PKD1L1: variants seen among roughly 807,000 people sequenced by gnomAD.
The protein encoded by PKD1L1 is polycystin 1 like 1, transient receptor potential channel interacting, also known as polycystin-1-like protein 1.
PKD1L1 carries 236 observed loss-of-function variants against 323.4 expected under a neutral mutation model. The ratio of observed to expected loss-of-function variants is 0.73; its 90% confidence interval spans 0.66 to 0.81. PKD1L1 has a LOEUF of 0.81. PKD1L1 is among the 40% of genes least tolerant of loss of function. The pLI, the probability that PKD1L1 is intolerant of heterozygous loss-of-function variation, is 0.00. For synonymous variants in PKD1L1, 1,344 were observed against 1,335.0 expected (o/e 1.01, Z -0.15); for missense variants, 3,320 against 3,508.0 (o/e 0.95, Z 1.35).
intron 4 of PKD1L1, among the ~76,000 whole-genome samples, chr7:47,932,360 TC>T: frequency 6.6e-6 from 1 of 152,140 alleles, no homozygotes; most frequent in East Asian, 1.9e-4. Context: ...AAGGGGCGAG[TC>T]ACATACAAAA....
chr7:47,873,669 AAAG>A (rs1353127545), intron 24 of PKD1L1, among the ~76,000 whole-genome samples: 2 of 144,682 alleles, frequency 1.4e-5, no homozygotes, highest in South Asian at 4.4e-4. Context: ...AAAAAAAAAA[AAAG>A]AAGGAGAAGA....
rs372088818 is a variant in PKD1L1, at chr7:47,840,410, T to G, written c.5552+51A>C. On this transcript the variant is annotated intron_variant, in intron 35 of 56. Transcript: ENST00000289672. This position sits in a 1 kb window ranked among gnomAD's most constrained non-coding sequence, Gnocchi z 4.1. ...TGTATTTGTGATAAGGTTACACCAATTCTGATTGGCCTCTCTTTCCCAAAT... is the reference window on the plus strand; with the variant it reads ...TGTATTTGTGATAAGGTTACACCAAGTCTGATTGGCCTCTCTTTCCCAAAT... 3.8e-4 allele frequency: 514 copies of G among 1,365,266 alleles called. 2 individuals carry two copies. Among genetic ancestry groups the G allele is most frequent in the Admixed American group, 3.1e-4 (18 of 58,982 alleles). 84.6% of individuals were successfully genotyped at this position (1,365,266 alleles called of 1,614,324 possible). A position where few individuals can be genotyped will look rare whatever the true frequency, so the allele number is the denominator to read the frequency against.
chr7:47,791,316 T>G (rs1212273955), intron 56 of PKD1L1, among the ~76,000 whole-genome samples: 2 of 152,188 alleles, frequency 1.3e-5, no homozygotes, highest in Non-Finnish European at 2.9e-5. Context: ...AAATATGTCA[T>G]CCATATAGTT....
Position 47,857,690 on chromosome 7 carries a change from C to T in PKD1L1, c.4505G>A (p.Gly1502Glu). Residue 1502 changes from glycine (G) to glutamate (E), a missense_variant, in exon 28 of 57, where the codon GGG (glycine) becomes GAG (glutamate). Coordinates refer to ENST00000289672, the MANE Select transcript of PKD1L1 (RefSeq NM_138295.5). ...PGDLAGHSPA[G>E]AETQSPCYIS... ...GTAGCATGGGCTCTGTGTCTCCGCC[C>T]CAGCAGGACTGTGCCCAGCAAGGTC... is the stretch of plus-strand genomic sequence containing the variant. 6.2e-7 allele frequency: 1 copy of T among 1,614,174 alleles called. No homozygotes were observed.
In PKD1L1 at chr7:47,945,718, G is replaced by A. The variant is rs113852606; in HGVS notation, c.45-2207C>T. Among the ~76,000 whole-genome samples the A allele has an allele frequency of 3.3e-3, 498 of 152,186 alleles. 2 individuals are homozygous for A. The highest frequency in any genetic ancestry group is 0.011 in the African/African-American group (474 of 41,500). ...AACCTAACCTCTGTCCACCACGTGC[G>A]CCCCACAGTCCACAGCTGTGAGACT... On this transcript the variant is annotated intron_variant, in intron 1 of 56. Coordinates refer to ENST00000289672, the MANE Select transcript of PKD1L1 (RefSeq NM_138295.5).
chr7:47,805,663 C>G (rs1474645987), intron 52 of PKD1L1, among the ~76,000 whole-genome samples: 1 of 152,196 alleles, frequency 6.6e-6, no homozygotes, highest in Non-Finnish European at 1.5e-5. Flanking sequence ...ACTCCTGGGT[C>G]AGGACAATGT....
chr7:47,911,282 T>C lies in PKD1L1; in HGVS notation c.1229-3032A>G, dbSNP rs138663808. On this transcript the variant is annotated intron_variant, in intron 8 of 56. Transcript: ENST00000289672. ...TGCTGTGCCTGCTGCCCTGTAGCCT[T>C]CTACCATGATTGTAAACTTCCTGAA... is the stretch of plus-strand genomic sequence containing the variant. 4.6e-4 allele frequency among the ~76,000 whole-genome samples: 70 copies of C among 152,320 alleles called. 2 individuals carry two copies. The highest frequency in any genetic ancestry group is 1.6e-3 in the African/African-American group (66 of 41,570).
chr7:47,848,192 C>T (rs1165328736), intron 31 of PKD1L1, among the ~76,000 whole-genome samples: 2 of 152,062 alleles, frequency 1.3e-5, no homozygotes, highest in Non-Finnish European at 2.9e-5. Context: ...ATTTACCATC[C>T]GACCCAGGAA....
At chr7:47,881,770 A>G in intron 20 of PKD1L1, 139 bp downstream of exon 20, 1 of 838,460 alleles carries the variant, frequency 1.2e-6, no homozygotes, top group Non-Finnish European at 1.8e-6. Context: ...AGTCCATAGA[A>G]GAACAAGCAC....
chr7:47,942,218 C>T (rs752361488), intron 2 of PKD1L1, among the ~76,000 whole-genome samples: 55 of 152,124 alleles, frequency 3.6e-4, no homozygotes, highest in Non-Finnish European at 5.7e-4. Context: ...GACTTTATCT[C>T]CCTTCTCCTC....
chr7:47,895,394 C>T (rs1344496226), intron 14 of PKD1L1, among the ~76,000 whole-genome samples: 3 of 152,044 alleles, frequency 2.0e-5, no homozygotes, highest in Admixed American at 6.6e-5. Flanking sequence ...TTAAAAATTA[C>T]GTAGTTTATA....
intron 24 of PKD1L1, 72 bp from the exon 25 acceptor site, chr7:47,866,686 T>A (rs769230418): frequency 3.1e-5 from 41 of 1,329,634 alleles, no homozygotes; most frequent in Middle Eastern, 2.1e-4. Context: ...CTACCAAGAG[T>A]GGGATGGGAT....
intron 41 of PKD1L1, among the ~76,000 whole-genome samples, chr7:47,831,705 C>T (rs1038659621): frequency 3.3e-5 from 5 of 152,174 alleles, no homozygotes; most frequent in African/African-American, 9.7e-5. Flanking sequence ...GGGTGGTGAG[C>T]AGCAACTCCT....
intron 46 of PKD1L1, 43 bp downstream of exon 46, chr7:47,821,033 G>A (rs772997696): frequency 5.7e-6 from 7 of 1,224,334 alleles, no homozygotes; most frequent in South Asian, 2.4e-5. Flanking sequence ...CTATGGAATA[G>A]TGCAATGGCC....
At chr7:47,868,559 C>T (rs1283131310) in intron 24 of PKD1L1, among the ~76,000 whole-genome samples, 1 of 152,026 alleles carries the variant, frequency 6.6e-6, no homozygotes, top group Admixed American at 6.6e-5. Context: ...TATATTTGTG[C>T]TCTCTTCTCC....
chr7:47,877,419 C>T (rs1178562687), intron 22 of PKD1L1, 70 bp downstream of exon 22: 8 of 1,581,316 alleles, frequency 5.1e-6, no homozygotes, highest in Non-Finnish European at 3.5e-6. Context: ...CTACAGCACC[C>T]GTGACTGCTG....
chr7:47,942,354 A>C (rs1788004604), intron 2 of PKD1L1, among the ~76,000 whole-genome samples: 1 of 152,180 alleles, frequency 6.6e-6, no homozygotes, highest in African/African-American at 2.4e-5. Flanking sequence ...TAACAATTCC[A>C]CATGATCTTA....
At chr7:47,912,942 G>A (rs1787354242) in intron 8 of PKD1L1, among the ~76,000 whole-genome samples, 1 of 152,024 alleles carries the variant, frequency 6.6e-6, no homozygotes, top group Non-Finnish European at 1.5e-5. Flanking sequence ...AGACAGAATG[G>A]AGAATTTCAG....
intron 53 of PKD1L1, 143 bp downstream of exon 53, chr7:47,803,067 C>T: frequency 9.9e-7 from 1 of 1,007,758 alleles, no homozygotes; most frequent in Non-Finnish European, 1.4e-6. Context: ...TTATCTAAAA[C>T]CACACTGTAA....
Sources: gnomAD v4.1 joint callset for allele counts (sites outside exome capture counted in the v4.1 genomes callset) on GRCh38, gnomAD v4.1.1 for gene constraint, Gnocchi (gnomAD v3.1) non-coding constraint, MANE v1.5 for transcripts, NCBI Gene and HGNC (gene_info 2026-07-23, HGNC 2026-07-21) for gene names.